The following MSN variants were observed in gnomAD, a reference collection of about 807,000 sequenced individuals.
MSN encodes the protein moesin.
MSN carries 2 observed loss-of-function variants against 48.0 expected under a neutral mutation model. The ratio of observed to expected loss-of-function variants is 0.04; its 90% confidence interval spans 0.02 to 0.13. The LOEUF (loss-of-function observed/expected upper bound fraction) is 0.13. Ranked by LOEUF, MSN falls within the 10% of genes least tolerant of loss-of-function variation. MSN has a pLI of 1.00. For synonymous variants in MSN, 146 were observed against 166.9 expected, an observed-to-expected ratio of 0.87 and a Z score of 0.97; for missense variants, 267 against 470.1, an observed-to-expected ratio of 0.57 and a Z score of 3.99.
chrX:65,655,987 G>A (rs1255042725), intron 1 of MSN, among the ~76,000 whole-genome samples: 1 of 111,245 alleles, frequency 9.0e-6, no homozygotes, highest in Non-Finnish European at 1.9e-5. Context: ...GGCTGGTCTC[G>A]AACTCCTGAC....
At chrX:65,731,080 A>T (rs2071617175) in intron 4 of MSN, 27 bp from the exon 5 acceptor site, 2 of 1,162,425 alleles carry the variant, frequency 1.7e-6, no homozygotes. Flanking sequence ...TGTGCTTTAA[A>T]CTACTCATCA....
intron 5 of MSN, 120 bp from the exon 6 acceptor site, chrX:65,731,718 T>C: frequency 2.4e-6 from 2 of 829,737 alleles, no homozygotes; most frequent in African/African-American, 2.0e-5. Context: ...TTGCCTTTTG[T>C]CCCCTTTCCC....
chrX:65,704,635 CG>C (rs2071342346), intron 1 of MSN, among the ~76,000 whole-genome samples: 2 of 108,242 alleles, frequency 1.8e-5, no homozygotes, highest in South Asian at 7.6e-4. Flanking sequence ...GAGTTTTTCA[CG>C]GAAACAAATT....
chrX:65,658,261 T>G (rs2070796235), intron 1 of MSN, among the ~76,000 whole-genome samples: 1 of 111,513 alleles, frequency 9.0e-6, no homozygotes, highest in Non-Finnish European at 1.9e-5. Flanking sequence ...CTTTTTTGTG[T>G]AAGGGGCACA....
chrX:65,649,594 T>A (rs1414780865), intron 1 of MSN, among the ~76,000 whole-genome samples: 1 of 100,400 alleles, frequency 1.0e-5, no homozygotes, highest in African/African-American at 3.7e-5. Flanking sequence ...AAAAAATATA[T>A]ATATATATAT....
At chrX:65,615,163 A>T (rs1384913233) in intron 1 of MSN, among the ~76,000 whole-genome samples, 1 of 110,506 alleles carries the variant, frequency 9.0e-6, no homozygotes, top group African/African-American at 3.3e-5. Flanking sequence ...TACAACAAAC[A>T]TACGTGTGCA....
chrX:65,658,259 T>G (rs2070796183), intron 1 of MSN, among the ~76,000 whole-genome samples: 1 of 111,492 alleles, frequency 9.0e-6, no homozygotes, highest in Non-Finnish European at 1.9e-5. Flanking sequence ...CTCTTTTTTG[T>G]GTAAGGGGCA....
At chrX:65,604,351 C>G (rs2070261170) in intron 1 of MSN, among the ~76,000 whole-genome samples, 1 of 111,799 alleles carries the variant, frequency 8.9e-6, no homozygotes, top group African/African-American at 3.3e-5. Flanking sequence ...GGGTTTCAAG[C>G]TCAGAGAAGA....
chrX:65,614,869 A>C (rs1427881553), intron 1 of MSN, among the ~76,000 whole-genome samples: 3 of 52,109 alleles, frequency 5.8e-5, no homozygotes, highest in Admixed American at 6.3e-4. Flanking sequence ...CCCACCCCAC[A>C]ACAGTCCCCA....
At chrX:65,717,537 A>T (rs753347454) in intron 2 of MSN, among the ~76,000 whole-genome samples, 2 of 112,064 alleles carry the variant, frequency 1.8e-5, no homozygotes, top group Non-Finnish European at 3.8e-5. Flanking sequence ...CCCATCTCCA[A>T]CCCAAGGGGT....
At chrX:65,633,760 T>C (rs183588088) in intron 1 of MSN, among the ~76,000 whole-genome samples, 12 of 112,389 alleles carry the variant, frequency 1.1e-4, no homozygotes, top group African/African-American at 3.9e-4. Flanking sequence ...TCTAAAGGTA[T>C]TTGTAATAAT....
intron 1 of MSN, among the ~76,000 whole-genome samples, chrX:65,613,078 A>G (rs1202151112): frequency 9.1e-6 from 1 of 110,355 alleles, no homozygotes; most frequent in Non-Finnish European, 1.9e-5. Context: ...CCCTGTGTCC[A>G]TGTGTTCTCA....
rs1280567730 is a variant in MSN, at chrX:65,741,320, C to A, written c.*1427C>A. 1.2e-5 allele frequency: 2 copies of A among 166,074 alleles called. No individual in the cohort carries two copies. The highest frequency in any genetic ancestry group is 6.0e-5 in the African/African-American group (2 of 33,257). The allele number at this position is 166,074 out of a possible 1,213,427, so 13.7% of individuals were successfully genotyped here. A position where few individuals can be genotyped will look rare whatever the true frequency, so the allele number is the denominator to read the frequency against. On this transcript the variant is annotated 3_prime_UTR_variant, in exon 13 of 13. Transcript: ENST00000360270. ...TCTACTGATATCTAAATATTGATTT[C>A]TGCCTTCCTTGCTAATGCACCATTA...
chrX:65,629,945 G>A (rs2070542209), intron 1 of MSN, among the ~76,000 whole-genome samples: 1 of 111,659 alleles, frequency 9.0e-6, no homozygotes, highest in Admixed American at 9.5e-5. Context: ...TTGGGAGGCT[G>A]AGGTGGGCCG....
rs865794943 is a variant in MSN at position 65,615,846 on chromosome X, G to A, written c.-22+27234G>A. 2.6e-3 allele frequency among the ~76,000 whole-genome samples: 286 copies of A among 111,142 alleles called. 1 individual carries two copies. The highest frequency in any genetic ancestry group is 8.5e-3 in the African/African-American group (260 of 30,599). On this transcript the variant is annotated intron_variant, in intron 1 of 3. Transcript: ENST00000609672. ...GGGTTTTTGTGGTTTTAGGTCTAAC[G>A]TTTAAGTCTTTAATCCATCTTGAAT... is the stretch of plus-strand genomic sequence containing the variant.
chrX:65,693,651 A>C (rs1439267321), intron 1 of MSN, among the ~76,000 whole-genome samples: 7 of 112,152 alleles, frequency 6.2e-5, no homozygotes, highest in African/African-American at 2.3e-4. Flanking sequence ...GGTAGTTATA[A>C]GATAAATGAC....
intron 1 of MSN, among the ~76,000 whole-genome samples, chrX:65,692,164 G>A (rs1396785676): frequency 8.9e-6 from 1 of 112,325 alleles, no homozygotes; most frequent in Non-Finnish European, 1.9e-5. Flanking sequence ...CAGCTGGGAG[G>A]GATCCCCTTC....
intron 2 of MSN, among the ~76,000 whole-genome samples, chrX:65,717,371 C>T (rs2071476374): frequency 8.9e-6 from 1 of 111,997 alleles, no homozygotes; most frequent in African/African-American, 3.2e-5. Context: ...AACTAACTTA[C>T]TCTCCCTGAG....
At chrX:65,629,541 A>G (rs1017986447) in intron 1 of MSN, among the ~76,000 whole-genome samples, 1 of 111,793 alleles carries the variant, frequency 8.9e-6, no homozygotes, top group Non-Finnish European at 1.9e-5. Flanking sequence ...GCTGATAAAG[A>G]CATACCCGAG....
Sources: gnomAD v4.1 joint callset for allele counts (sites outside exome capture counted in the v4.1 genomes callset) on GRCh38, gnomAD v4.1.1 for gene constraint, MANE v1.5 for transcripts, NCBI Gene and HGNC (gene_info 2026-07-23, HGNC 2026-07-21) for gene names.